LIX1: variants seen among roughly 807,000 people sequenced by gnomAD.
LIX1 encodes the protein limb and CNS expressed 1.
Under a neutral mutation model 33.4 loss-of-function variants are expected in LIX1, and 24 were observed. The ratio of observed to expected loss-of-function variants is 0.72; its 90% CI spans 0.52 to 1.01. The LOEUF (loss-of-function observed/expected upper bound fraction) is 1.01. Among genes scored for constraint, LIX1 ranks in the 50% least tolerant of loss-of-function variants. The pLI is 0.00. For missense variants in LIX1, 311 were observed against 339.2 expected, an observed-to-expected ratio of 0.92 and a Z score of 0.65; for synonymous variants, 124 against 124.0, an observed-to-expected ratio of 1.00 and a Z score of 0.00.
At chr5:97,135,400 G>T (rs1748150274) in intron 1 of LIX1, among the ~76,000 whole-genome samples, 1 of 152,090 alleles carries the variant, frequency 6.6e-6, no homozygotes, top group African/African-American at 2.4e-5. Flanking sequence ...GTGCACATTG[G>T]GTCAGATGAT....
intron 1 of LIX1, among the ~76,000 whole-genome samples, chr5:97,135,956 G>T (rs973006992): frequency 1.3e-5 from 2 of 152,220 alleles, no homozygotes; most frequent in African/African-American, 4.8e-5. Flanking sequence ...TCAAATAAGT[G>T]TAAATGTGGC....
At chr5:97,127,867 C>T (rs1747968390) in intron 1 of LIX1, among the ~76,000 whole-genome samples, 1 of 152,220 alleles carries the variant, frequency 6.6e-6, no homozygotes, top group South Asian at 2.1e-4. Flanking sequence ...GACCCATCTG[C>T]ACAAATGCTC....
At chr5:97,139,703 CAGCTT>C (rs1740821028) in intron 1 of LIX1, among the ~76,000 whole-genome samples, 1 of 152,176 alleles carries the variant, frequency 6.6e-6, no homozygotes, top group African/African-American at 2.4e-5. Flanking sequence ...AGTCCAGTGT[CAGCTT>C]AGATGAACAA....
Position 97,142,491 on chromosome 5 carries a change from T to C in LIX1, c.82+4A>G, listed in dbSNP as rs752087123. On this transcript the variant is annotated splice_donor_region_variant and intron_variant, in intron 1 of 5. Transcript: ENST00000274382. ...CAAAAAACTTTTCCCCCTTCAGTAC[T>C]TACAGTCTTTGAAGACTAGAGCCGG... 1 of 1,609,566 alleles carries C rather than the reference T, an allele frequency of 6.2e-7. No homozygotes were observed. Among genetic ancestry groups the C allele is most frequent in the Non-Finnish European group, 8.5e-7 (1 of 1,175,814 alleles).
rs188035603 is a variant in LIX1, at chr5:97,103,776, T to C, written c.483+1414A>G. 4.6e-4 allele frequency among the ~76,000 whole-genome samples: 70 copies of C among 152,096 alleles called. 1 individual carries two copies. Among genetic ancestry groups the C allele is most frequent in the African/African-American group, 1.2e-3 (49 of 41,488 alleles). ...GTCAGGAGATGGAGACCATCCTGGC[T>C]AACACGGTGAAATCCCGTCTCTACT... On this transcript the variant is annotated intron_variant, in intron 4 of 5. Coordinates refer to ENST00000274382, the MANE Select transcript of LIX1 (RefSeq NM_153234.5).
chr5:97,133,612 T>C (rs1748111762), intron 1 of LIX1, among the ~76,000 whole-genome samples: 1 of 152,244 alleles, frequency 6.6e-6, no homozygotes, highest in Non-Finnish European at 1.5e-5. Flanking sequence ...CCAAGATAGG[T>C]GCAGAGTTCA....
intron 4 of LIX1, among the ~76,000 whole-genome samples, chr5:97,103,736 C>G (rs760320262): frequency 6.6e-6 from 1 of 152,078 alleles, no homozygotes; most frequent in Non-Finnish European, 1.5e-5. Context: ...GAGGCCAAGG[C>G]GGGCAGATCA....
intron 4 of LIX1, among the ~76,000 whole-genome samples, chr5:97,098,975 T>G (rs1282453219): frequency 6.6e-6 from 1 of 152,222 alleles, no homozygotes; most frequent in Non-Finnish European, 1.5e-5. Context: ...CACTGCACAG[T>G]AAGTACTCTG....
At chr5:97,128,942 C>T (rs1039257538) in intron 1 of LIX1, among the ~76,000 whole-genome samples, 1 of 152,198 alleles carries the variant, frequency 6.6e-6, no homozygotes, top group Non-Finnish European at 1.5e-5. Flanking sequence ...GGTAATATCA[C>T]TGAATCTCAT....
At chr5:97,131,987 A>T (rs568393393) in intron 1 of LIX1, among the ~76,000 whole-genome samples, 2 of 152,346 alleles carry the variant, frequency 1.3e-5, no homozygotes, top group East Asian at 3.9e-4. Context: ...GTACCTTCAC[A>T]AGAACTAGTG....
chr5:97,111,953 G>T (rs1339025215), intron 2 of LIX1, among the ~76,000 whole-genome samples: 3 of 152,188 alleles, frequency 2.0e-5, no homozygotes, highest in Admixed American at 1.3e-4. Context: ...TTATTTCAAT[G>T]TACAGAATCT....
At position 97,142,591 on chromosome 5, in the gene LIX1, T is replaced by A; in HGVS notation, c.-15A>T. Reference sequence around the variant, plus strand: ...GTTCTGTCCATCTTGGGTCTGCCTGTGTGAGCCTCCTGTACAGAGTGTCCT... The same window carrying A: ...GTTCTGTCCATCTTGGGTCTGCCTGAGTGAGCCTCCTGTACAGAGTGTCCT... On this transcript the variant is annotated 5_prime_UTR_variant, in exon 1 of 6. Transcript: ENST00000274382. The A allele has an allele frequency of 6.2e-7, 1 of 1,608,336 alleles. No individual in the cohort carries two copies. Among genetic ancestry groups the A allele is most frequent in the Non-Finnish European group, 8.5e-7 (1 of 1,174,774 alleles).
rs373400229 is a variant in LIX1 at position 97,111,612 on chromosome 5, G to A, written c.247-4112C>T. 3.0e-4 allele frequency among the ~76,000 whole-genome samples: 46 copies of A among 152,316 alleles called. No individual in the cohort carries two copies. In the East Asian group the frequency reaches 8.3e-3, roughly 27 times the overall value. On this transcript the variant is annotated intron_variant, in intron 2 of 5. Transcript: ENST00000274382. ...CAAAATCTATCATAGAGCTGTTGGA[G>A]TTTTAGAATTTAGAGAATTAGATTC...
chr5:97,124,234 A>C (rs561215417), intron 2 of LIX1, among the ~76,000 whole-genome samples: 31 of 152,216 alleles, frequency 2.0e-4, no homozygotes, highest in Non-Finnish European at 4.3e-4. Flanking sequence ...TAAGCAAGAA[A>C]TAAAACATCT....
intron 1 of LIX1, among the ~76,000 whole-genome samples, chr5:97,127,976 C>A (rs573636232): frequency 2.6e-4 from 39 of 152,232 alleles, no homozygotes; most frequent in African/African-American, 8.9e-4. Context: ...AAAGTTCCCT[C>A]ATTATTCACT....
chr5:97,125,140 C>T (rs544308635), intron 1 of LIX1, among the ~76,000 whole-genome samples: 10 of 152,088 alleles, frequency 6.6e-5, no homozygotes, highest in Admixed American at 2.6e-4. Context: ...CCAGTCTAAA[C>T]GAGAATGAAA....
intron 2 of LIX1, among the ~76,000 whole-genome samples, chr5:97,109,446 G>T (rs917747038): frequency 5.9e-5 from 9 of 152,060 alleles, no homozygotes; most frequent in African/African-American, 2.2e-4. Flanking sequence ...TAGAGACAGG[G>T]TCTCACTATA....
intron 2 of LIX1, among the ~76,000 whole-genome samples, chr5:97,121,894 A>G (rs976432462): frequency 2.0e-5 from 3 of 152,198 alleles, no homozygotes; most frequent in Non-Finnish European, 4.4e-5. Flanking sequence ...ATGAGAGGAC[A>G]GCTGGGTGCT....
intron 5 of LIX1, among the ~76,000 whole-genome samples, 166 bp from the exon 6 acceptor site, chr5:97,095,201 A>T (rs1423690124): frequency 6.6e-6 from 1 of 152,184 alleles, no homozygotes; most frequent in Admixed American, 6.5e-5. Context: ...CTATAAAGGA[A>T]ATGAAAGGCT....
Sources: gnomAD v4.1 joint callset for allele counts (sites outside exome capture counted in the v4.1 genomes callset) on GRCh38, gnomAD v4.1.1 for gene constraint, MANE v1.5 for transcripts, NCBI Gene and HGNC (gene_info 2026-07-23, HGNC 2026-07-21) for gene names.